MIGA1: variants seen among roughly 807,000 people sequenced by gnomAD.
MIGA1 encodes the protein family with sequence similarity 73, member A.
A neutral mutation model predicts 82.0 loss-of-function variants in MIGA1; 58 were observed. The observed-to-expected ratio is 0.71, with a 90% CI of 0.57 to 0.88. The LOEUF (loss-of-function observed/expected upper bound fraction) is 0.88, where lower values mean the gene tolerates loss of function less well. Among genes scored for constraint, MIGA1 ranks in the 40% least tolerant of loss-of-function variants. The probability of loss-of-function intolerance (pLI) is 0.00; values close to 1 mark genes in which losing one functional copy is unlikely to be tolerated. For missense variants in MIGA1, 751 were observed against 749.1 expected (o/e 1.00, Z -0.03); for synonymous variants, 249 against 253.6 (o/e 0.98, Z 0.17).
Position 77,869,744 on chromosome 1 carries a change from C to G in MIGA1, c.1564-3260C>G, listed in dbSNP as rs1290925917. On this transcript the variant is annotated intron_variant, in intron 14 of 15. Transcript: ENST00000370791. ...CGGACAGGGCGGCTGGCCGACCCCC[C>G]CCCCGCCTGCCTCCCGGACGGGGCG... 2.8e-4 allele frequency among the ~76,000 whole-genome samples: 32 copies of G among 113,186 alleles called. 3 individuals are homozygous for G. The highest frequency in any genetic ancestry group is 1.1e-3 in the African/African-American group (29 of 25,372). The allele number at this position is 113,186 out of a possible 152,430, so 74.3% of individuals were successfully genotyped here. A position where few individuals can be genotyped will look rare whatever the true frequency, so the allele number is the denominator to read the frequency against.
At chr1:77,799,302 T>G (rs1682781087) in intron 2 of MIGA1, among the ~76,000 whole-genome samples, 1 of 152,344 alleles carries the variant, frequency 6.6e-6, no homozygotes, top group Middle Eastern at 3.4e-3. Context: ...ATCTAAGACT[T>G]TCTCATAAAA....
At position 77,875,773 on chromosome 1, in the gene MIGA1, C is replaced by T. The variant is rs957356065; in HGVS notation, c.*709C>T. The stretch of plus-strand genomic sequence containing the variant: ...CAACATAAGGAGATGCCTGTCTCTA[C>T]AAAAACATAAAAATAAATTAGCTGG... On this transcript the variant is annotated 3_prime_UTR_variant, in exon 16 of 16. Coordinates refer to ENST00000370791, the MANE Select transcript of MIGA1 (RefSeq NM_198549.4). 6.6e-6 allele frequency: 1 copy of T among 151,766 alleles called. No individual in the cohort carries two copies. The highest frequency in any genetic ancestry group is 2.1e-4 in the South Asian group (1 of 4,798). The allele number at this position is 151,766 out of a possible 1,614,324, so 9.4% of individuals were successfully genotyped here. A position where few individuals can be genotyped will look rare whatever the true frequency, so the allele number is the denominator to read the frequency against.
chr1:77,869,824 G>A (rs1297943936), intron 14 of MIGA1, among the ~76,000 whole-genome samples: 6 of 107,434 alleles, frequency 5.6e-5, no homozygotes, highest in South Asian at 6.9e-4. Context: ...GGGCAGAGGC[G>A]CCCCTCACCT....
At chr1:77,802,510 G>A (rs1347480300) in intron 3 of MIGA1, among the ~76,000 whole-genome samples, 4 of 152,130 alleles carry the variant, frequency 2.6e-5, no homozygotes, top group Non-Finnish European at 5.9e-5. Flanking sequence ...ATGGTGACTC[G>A]TTACTATAAT....
chr1:77,873,549 G>A (rs1430337729), intron 15 of MIGA1, among the ~76,000 whole-genome samples: 2 of 152,200 alleles, frequency 1.3e-5, no homozygotes, highest in African/African-American at 4.8e-5. Context: ...AAGGTGAGAT[G>A]AATGATAAAA....
intron 1 of MIGA1, chr1:77,780,072 G>A: frequency 9.5e-7 from 1 of 1,052,026 alleles, no homozygotes; most frequent in South Asian, 3.8e-5. Flanking sequence ...GCCAGAGGAA[G>A]GGTCTGGACG....
chr1:77,781,566 C>T (rs1681916353), intron 1 of MIGA1, among the ~76,000 whole-genome samples: 1 of 152,114 alleles, frequency 6.6e-6, no homozygotes, highest in Non-Finnish European at 1.5e-5. Flanking sequence ...ATTCTTTGCC[C>T]AGCTTTTCTA....
intron 8 of MIGA1, among the ~76,000 whole-genome samples, chr1:77,843,758 T>G (rs1684713483): frequency 6.6e-6 from 1 of 152,126 alleles, no homozygotes; most frequent in South Asian, 2.1e-4. Flanking sequence ...TACTTCTAGA[T>G]TTTTGTTCTA....
chr1:77,859,172 A>G, intron 9 of MIGA1, 116 bp downstream of exon 9: 1 of 1,002,200 alleles, frequency 1.0e-6, no homozygotes, highest in South Asian at 1.4e-5. Flanking sequence ...GTAAAGAAAA[A>G]ATTATTTTTA....
intron 14 of MIGA1, among the ~76,000 whole-genome samples, chr1:77,868,914 ATTTTCT>A (rs1425313836): frequency 1.4e-5 from 2 of 147,340 alleles, no homozygotes; most frequent in Non-Finnish European, 3.0e-5. Context: ...AAACTAGCAC[ATTTTCT>A]TTTTTTTTTT....
chr1:77,864,947 AG>A (rs755079092), intron 13 of MIGA1, among the ~76,000 whole-genome samples: 57 of 152,326 alleles, frequency 3.7e-4, no homozygotes, highest in Non-Finnish European at 6.0e-4. Context: ...AAAATGTTCC[AG>A]TTGGCAATTT....
chr1:77,802,285 G>A (rs1291470504), intron 3 of MIGA1, among the ~76,000 whole-genome samples: 1 of 152,102 alleles, frequency 6.6e-6, no homozygotes, highest in East Asian at 1.9e-4. Flanking sequence ...GATTTTATTA[G>A]GTCTCAGGTA....
intron 7 of MIGA1, among the ~76,000 whole-genome samples, chr1:77,827,106 C>CA (rs1269425642): frequency 6.6e-6 from 1 of 151,140 alleles, no homozygotes; most frequent in Non-Finnish European, 1.5e-5. Context: ...TGCACCTGGC[C>CA]AAAAAGAGCC....
intron 7 of MIGA1, among the ~76,000 whole-genome samples, chr1:77,823,088 G>A (rs1337997030): frequency 1.3e-5 from 2 of 151,872 alleles, no homozygotes; most frequent in Admixed American, 6.6e-5. Context: ...TGATCCTCCC[G>A]CCTCGGCCTC....
chr1:77,782,517 G>A (rs1681967427), intron 1 of MIGA1, among the ~76,000 whole-genome samples: 1 of 152,180 alleles, frequency 6.6e-6, no homozygotes, highest in Non-Finnish European at 1.5e-5. Context: ...TTTAACATGT[G>A]TTCAACTGGG....
chr1:77,805,225 G>A (rs1031209694), intron 4 of MIGA1, among the ~76,000 whole-genome samples: 158 of 151,928 alleles, frequency 1.0e-3, no homozygotes, highest in Middle Eastern at 3.4e-3. Flanking sequence ...TTGATCTCCC[G>A]ACCTCGTGAT....
At position 77,840,978 on chromosome 1, in the gene MIGA1, C is replaced by G. The variant is rs1039616165; in HGVS notation, c.896-2329C>G. Among the ~76,000 whole-genome samples, 138 of 152,112 alleles carry G rather than the reference C, an allele frequency of 9.1e-4. 1 individual carries two copies. Among genetic ancestry groups the G allele is most frequent in the African/African-American group, 3.1e-3 (127 of 41,418 alleles). ...ACGAGGATTAAGTTTTGTATAAAAG[C>G]TCAGTGTGTGTGTATTTGTGTTTAA... On this transcript the variant is annotated intron_variant, in intron 7 of 15. Transcript: ENST00000370791.
intron 2 of MIGA1, among the ~76,000 whole-genome samples, chr1:77,790,779 G>T (rs534356418): frequency 6.6e-6 from 1 of 151,322 alleles, no homozygotes; most frequent in African/African-American, 2.4e-5. Flanking sequence ...GTAGAGATGG[G>T]GTTTCACCAT....
At chr1:77,800,114 G>A (rs770425499) in intron 2 of MIGA1, among the ~76,000 whole-genome samples, 20 of 152,120 alleles carry the variant, frequency 1.3e-4, no homozygotes, top group Admixed American at 2.0e-4. Flanking sequence ...TATGGTGCTG[G>A]TTCATGCCCT....
Sources: allele counts gnomAD v4.1 joint callset (sites outside exome capture counted in the v4.1 genomes callset), GRCh38; gene constraint gnomAD v4.1.1; transcripts MANE v1.5; gene names NCBI Gene and HGNC (gene_info 2026-07-23, HGNC 2026-07-21).